The following PECR variants were observed in gnomAD, a reference collection of about 807,000 sequenced individuals.
The protein encoded by PECR is peroxisomal trans-2-enoyl-CoA reductase.
A neutral mutation model predicts 35.3 loss-of-function variants in PECR; 30 were observed. That is an observed-to-expected ratio of 0.85 (90% CI 0.64 to 1.15). The LOEUF is 1.15. Ranked by LOEUF, PECR falls within the 50% of genes most tolerant of loss-of-function variation. PECR has a pLI of 0.00. For synonymous variants in PECR, 148 were observed against 138.9 expected, an observed-to-expected ratio of 1.07 and a Z score of -0.46; for missense variants, 392 against 370.8, an observed-to-expected ratio of 1.06 and a Z score of -0.47.
In PECR at chr2:216,081,766, C is replaced by A; in HGVS notation, c.-25G>T. The A allele has an allele frequency of 1.2e-6, 2 of 1,611,132 alleles. No individual in the cohort carries two copies. The highest frequency in any genetic ancestry group is 1.7e-6 in the Non-Finnish European group (2 of 1,179,574). ...TCCCTGCAGCGGGGTGCCAGAGCAG[C>A]TGAGCGCAGGCCCTTCTGGGTCTCA... is the stretch of plus-strand genomic sequence containing the variant. On this transcript the variant is annotated 5_prime_UTR_variant, in exon 1 of 8. Transcript: ENST00000265322.
chr2:216,080,327 C>T (rs1206647457), intron 1 of PECR, among the ~76,000 whole-genome samples: 4 of 152,210 alleles, frequency 2.6e-5, no homozygotes, highest in African/African-American at 4.8e-5. Context: ...CTGCCCGCCT[C>T]GGCCTCTCAA....
chr2:216,074,432 G>A (rs1695645292), intron 1 of PECR, among the ~76,000 whole-genome samples: 1 of 144,356 alleles, frequency 6.9e-6, no homozygotes, highest in African/African-American at 2.6e-5. Context: ...ACTGTGTCAA[G>A]AAAGAAAGAA....
At chr2:216,048,371 G>A (rs1297353816) in intron 6 of PECR, among the ~76,000 whole-genome samples, 1 of 134,622 alleles carries the variant, frequency 7.4e-6, no homozygotes, top group African/African-American at 2.9e-5. Context: ...CACTGCGCCT[G>A]GCCTTGTTTT....
At chr2:216,067,805 A>G (rs1695496905) in intron 1 of PECR, among the ~76,000 whole-genome samples, 2 of 152,098 alleles carry the variant, frequency 1.3e-5, no homozygotes, top group Admixed American at 6.6e-5. Context: ...AAGAATATTT[A>G]TAAGAATATA....
rs948172768 is a variant in PECR, at chr2:216,079,377, T to C, written c.124+2241A>G. On this transcript the variant is annotated intron_variant, in intron 1 of 7. Transcript: ENST00000265322. ...CATTTTTGCATATGTAATACTTTTT[T>C]TTTTTTTTGATACTGAGTCTTGCTC... is the stretch of plus-strand genomic sequence containing the variant. Among the ~76,000 whole-genome samples, 6 of 151,860 alleles carry C rather than the reference T, an allele frequency of 4.0e-5. No individual in the cohort carries two copies. The South Asian group carries it at 1.2e-3, about 32-fold the overall frequency.
chr2:216,072,825 CAT>C (rs2105967573), intron 1 of PECR, among the ~76,000 whole-genome samples: 1 of 152,296 alleles, frequency 6.6e-6, no homozygotes, highest in South Asian at 2.1e-4. Context: ...CTGTGATAAA[CAT>C]ACTAGAGCAG....
At chr2:216,054,980 C>T (rs575849384) in intron 4 of PECR, among the ~76,000 whole-genome samples, 4 of 151,894 alleles carry the variant, frequency 2.6e-5, no homozygotes, top group Non-Finnish European at 4.4e-5. Flanking sequence ...GGCATAGTGG[C>T]GTGCACCTGT....
At chr2:216,076,754 C>A (rs1440359040) in intron 1 of PECR, among the ~76,000 whole-genome samples, 1 of 151,484 alleles carries the variant, frequency 6.6e-6, no homozygotes, top group Non-Finnish European at 1.5e-5. Context: ...GAGCTGCTGT[C>A]AAGCCACTGC....
chr2:216,077,866 G>A (rs1046560385), intron 1 of PECR, among the ~76,000 whole-genome samples: 1 of 150,838 alleles, frequency 6.6e-6, no homozygotes, highest in Non-Finnish European at 1.5e-5. Context: ...AAGGAAGTTT[G>A]TAAGATTTTT....
intron 7 of PECR, among the ~76,000 whole-genome samples, chr2:216,031,499 GAAA>G (rs1471893949): frequency 7.1e-5 from 9 of 126,370 alleles, no homozygotes; most frequent in East Asian, 2.4e-4. Flanking sequence ...GAAAGAGAAA[GAAA>G]GAGAGAAAGG....
intron 7 of PECR, among the ~76,000 whole-genome samples, chr2:216,043,351 C>T (rs1378604582): frequency 6.6e-6 from 1 of 151,904 alleles, no homozygotes; most frequent in Non-Finnish European, 1.5e-5. Flanking sequence ...CTCAAGTGAT[C>T]CACTTGCCTC....
Position 216,039,172 on chromosome 2 carries a change from A to G in PECR, c.*103T>C. 1.3e-6 allele frequency: 1 copy of G among 750,504 alleles called. No homozygotes were observed. Among genetic ancestry groups the G allele is most frequent in the Non-Finnish European group, 2.4e-6 (1 of 410,872 alleles). 46.5% of individuals were successfully genotyped at this position (750,504 alleles called of 1,614,324 possible). Reference sequence around the variant, plus strand: ...ATATAATTAATAACACTTAAAAATAAGAAAAATGTTTTCCATACCAACTAT... The same window carrying G: ...ATATAATTAATAACACTTAAAAATAGGAAAAATGTTTTCCATACCAACTAT... On this transcript the variant is annotated 3_prime_UTR_variant, in exon 8 of 8. Transcript: ENST00000265322.
intron 3 of PECR, among the ~76,000 whole-genome samples, chr2:216,059,286 C>T (rs1013652985): frequency 6.6e-6 from 1 of 152,220 alleles, no homozygotes; most frequent in Non-Finnish European, 1.5e-5. Context: ...AAACACTCAT[C>T]TTTCTGTTTC....
At position 216,039,327 on chromosome 2, in the gene PECR, A is replaced by G; in HGVS notation, c.860T>C (p.Leu287Pro). 1 of 1,609,276 alleles carries G rather than the reference A, an allele frequency of 6.2e-7. No homozygotes were observed. The highest frequency in any genetic ancestry group is 8.5e-7 in the Non-Finnish European group (1 of 1,175,610). ...CTCCTTCATCTTTTTGACAACAGAA[A>G]GGTCCCCTGCTCCCTTGGGCCAGTT... ...HDNWPKGAGD[L>P]SVVKKMKETF... The change falls in exon 8 of 8, where the codon CTT becomes CCT. Residue 287 changes from leucine (L) to proline (P), a missense_variant. By Grantham distance (98) the Leu-to-Pro change is moderately conservative. Coordinates refer to ENST00000265322, the MANE Select transcript of PECR (RefSeq NM_018441.6).
Position 216,044,484 on chromosome 2 carries a change from G to A in PECR, c.715-469C>T, listed in dbSNP as rs114747976. Among the ~76,000 whole-genome samples the A allele has an allele frequency of 4.7e-3, 714 of 152,198 alleles. 8 individuals carry two copies. Among genetic ancestry groups the A allele is most frequent in the African/African-American group, 0.016 (671 of 41,522 alleles). On this transcript the variant is annotated intron_variant, in intron 6 of 7. Transcript: ENST00000265322. The stretch of plus-strand genomic sequence containing the variant: ...TAGCATTCTGGTTTGTTCAGTCTGC[G>A]GTCCTGTCAGGCCAAAAGCCCAGCA...
chr2:216,072,505 C>A (rs987724533), intron 1 of PECR, among the ~76,000 whole-genome samples: 1 of 152,136 alleles, frequency 6.6e-6, no homozygotes, highest in Non-Finnish European at 1.5e-5. Context: ...AATTTTTCAA[C>A]CCTCACTCCC....
chr2:216,039,215 A>G lies in PECR; in HGVS notation c.*60T>C. On this transcript the variant is annotated 3_prime_UTR_variant, in exon 8 of 8. Transcript: ENST00000265322. The stretch of plus-strand genomic sequence containing the variant: ...CCAACTATAAGCTTTTAAAAAGTAC[A>G]GAAGCATATCCTCAAGATGTGAAGG... The G allele has an allele frequency of 1.1e-6, 1 of 893,818 alleles. No homozygotes were observed. Among genetic ancestry groups the G allele is most frequent in the Non-Finnish European group, 1.9e-6 (1 of 522,388 alleles). 55.4% of individuals were successfully genotyped at this position (893,818 alleles called of 1,614,324 possible).
intron 3 of PECR, chr2:216,063,865 A>T (rs1461769510): frequency 2.0e-5 from 3 of 151,964 alleles, no homozygotes; most frequent in Admixed American, 1.3e-4. Flanking sequence ...CTACAGATGC[A>T]CGCTGCCTGG....
At chr2:216,046,323 T>TGTTTGTTTTG (rs1559209256) in intron 6 of PECR, among the ~76,000 whole-genome samples, 13 of 140,202 alleles carry the variant, frequency 9.3e-5, no homozygotes, top group African/African-American at 3.4e-4. Flanking sequence ...TTTTTTTTTT[T>TGTTTGTTTTG]TTTTTTTGAG....
Sources: gnomAD v4.1 joint callset for allele counts (sites outside exome capture counted in the v4.1 genomes callset) on GRCh38, gnomAD v4.1.1 for gene constraint, MANE v1.5 for transcripts, NCBI Gene and HGNC (gene_info 2026-07-23, HGNC 2026-07-21) for gene names.